Variants in ACOXL observed in about 807,000 individuals in gnomAD.
The protein encoded by ACOXL is acyl-coenzyme A oxidase-like protein.
ACOXL carries 70 observed loss-of-function variants against 71.9 expected under a neutral mutation model. The observed-to-expected ratio is 0.97, with a 90% CI of 0.80 to 1.19. ACOXL has a LOEUF of 1.19. ACOXL is among the 50% of genes most tolerant of loss of function. The probability of loss-of-function intolerance (pLI) is 0.00; values close to 1 mark genes in which losing one functional copy is unlikely to be tolerated. For missense variants in ACOXL, 703 were observed against 736.3 expected (o/e 0.95, Z 0.52); for synonymous variants, 253 against 281.6 (o/e 0.90, Z 1.02).
rs74403996 is a variant in ACOXL at position 110,745,498 on chromosome 2, C to T, written c.-23+12724C>T. 4.2e-4 allele frequency among the ~76,000 whole-genome samples: 64 copies of T among 151,964 alleles called. 2 individuals carry two copies. The East Asian group carries it at 0.011, about 26-fold the overall frequency. On this transcript the variant is annotated intron_variant, in intron 1 of 17. Transcript: ENST00000439055. Reference sequence around the variant, plus strand: ...GCAAGGGAAAATGGGTGATGTAGCTCGGGGAAGGGACAGCAGATGCTTTCC... The same window carrying T: ...GCAAGGGAAAATGGGTGATGTAGCTTGGGGAAGGGACAGCAGATGCTTTCC...
At chr2:110,751,073 C>G (rs548141517) in intron 1 of ACOXL, among the ~76,000 whole-genome samples, 1 of 151,756 alleles carries the variant, frequency 6.6e-6, no homozygotes, top group Non-Finnish European at 1.5e-5. Context: ...CCGAGGCAGG[C>G]GGATCATGAG....
At chr2:110,903,980 C>T (rs2059346245) in intron 10 of ACOXL, among the ~76,000 whole-genome samples, 1 of 152,262 alleles carries the variant, frequency 6.6e-6, no homozygotes, top group Non-Finnish European at 1.5e-5. Context: ...TGGTGGCAGT[C>T]ACAGGGCTGA....
intron 10 of ACOXL, among the ~76,000 whole-genome samples, chr2:110,901,142 C>G (rs978923907): frequency 7.9e-5 from 12 of 152,222 alleles, no homozygotes; most frequent in Admixed American, 3.9e-4. Context: ...TTGGCCACAA[C>G]TTTAAATCCA....
intron 10 of ACOXL, among the ~76,000 whole-genome samples, chr2:110,876,727 A>G (rs1355150310): frequency 6.6e-6 from 1 of 152,184 alleles, no homozygotes; most frequent in African/African-American, 2.4e-5. Flanking sequence ...GTCGGAATCA[A>G]TGAAATGATT....
intron 10 of ACOXL, among the ~76,000 whole-genome samples, chr2:110,859,744 C>A (rs2148975090): frequency 6.6e-6 from 1 of 152,308 alleles, no homozygotes. Context: ...CTTTGCTCAC[C>A]AGGCGCTTGG....
chr2:111,023,213 C>T (rs1472579552), intron 14 of ACOXL, among the ~76,000 whole-genome samples: 1 of 152,078 alleles, frequency 6.6e-6, no homozygotes, highest in Non-Finnish European at 1.5e-5. Flanking sequence ...CACCTCTGTG[C>T]ACAGGGAGAT....
intron 12 of ACOXL, among the ~76,000 whole-genome samples, chr2:110,972,649 GCA>G (rs56400982): frequency 0.16 from 24,402 of 149,850 alleles, 2,146 homozygotes; most frequent in East Asian, 0.43. Context: ...ACACACACGT[GCA>G]CACACACACA....
chr2:110,971,902 CT>C (rs2062206911), intron 12 of ACOXL, among the ~76,000 whole-genome samples: 1 of 152,208 alleles, frequency 6.6e-6, no homozygotes, highest in South Asian at 2.1e-4. Context: ...TTTTTGACAA[CT>C]TTCTCTCTGG....
intron 15 of ACOXL, among the ~76,000 whole-genome samples, chr2:111,041,516 C>T (rs1266652231): frequency 1.3e-5 from 2 of 152,084 alleles, no homozygotes; most frequent in African/African-American, 4.8e-5. Context: ...TGGGACAGAG[C>T]CGGGCCATGG....
chr2:110,851,092 C>T (rs1027973546), intron 10 of ACOXL, among the ~76,000 whole-genome samples: 1 of 152,156 alleles, frequency 6.6e-6, no homozygotes, highest in African/African-American at 2.4e-5. Context: ...AAAGCAGACC[C>T]GTACTCACCA....
intron 2 of ACOXL, among the ~76,000 whole-genome samples, chr2:110,772,710 T>C (rs981009534): frequency 6.6e-6 from 1 of 152,190 alleles, no homozygotes; most frequent in African/African-American, 2.4e-5. Context: ...TGCACCATCG[T>C]TATCTAAACC....
At chr2:110,787,076 T>C (rs1394127487) in intron 3 of ACOXL, among the ~76,000 whole-genome samples, 1 of 146,072 alleles carries the variant, frequency 6.8e-6, no homozygotes, top group Non-Finnish European at 1.5e-5. Flanking sequence ...TAGGTAGGGG[T>C]GGCGGGGGGA....
Position 111,031,735 on chromosome 2 carries a change from T to C in ACOXL, c.1369+21T>C, listed in dbSNP as rs200074317. 1.1e-5 allele frequency: 18 copies of C among 1,612,488 alleles called. No homozygotes were observed. The African/African-American group carries it at 2.4e-4, about 21-fold the overall frequency. On this transcript the variant is annotated intron_variant, in intron 15 of 17. Coordinates refer to ENST00000439055, the MANE Select transcript of ACOXL (RefSeq NM_001142807.4). The stretch of plus-strand genomic sequence containing the variant: ...CCGAGGTCAGTTGGCTCCTGTTGAA[T>C]ATTTGTAATTGAGTGACTCAGGGGT...
At chr2:110,948,882 T>G (rs961234926) in intron 12 of ACOXL, among the ~76,000 whole-genome samples, 11 of 151,686 alleles carry the variant, frequency 7.3e-5, no homozygotes, top group Admixed American at 5.9e-4. Flanking sequence ...CCCTCCAACC[T>G]GGATGCTGCA....
chr2:110,866,794 C>G (rs1281309919), intron 10 of ACOXL, among the ~76,000 whole-genome samples: 2 of 152,186 alleles, frequency 1.3e-5, no homozygotes, highest in Non-Finnish European at 2.9e-5. Flanking sequence ...CCCACTCACT[C>G]ATCCACTGAC....
chr2:110,966,117 G>A (rs928545163), intron 12 of ACOXL, among the ~76,000 whole-genome samples: 1 of 152,178 alleles, frequency 6.6e-6, no homozygotes, highest in Non-Finnish European at 1.5e-5. Flanking sequence ...GCAGGCAAAA[G>A]CAGGGGTAGT....
chr2:110,746,910 T>A (rs1018807275), intron 1 of ACOXL, among the ~76,000 whole-genome samples: 6 of 152,056 alleles, frequency 3.9e-5, no homozygotes, highest in African/African-American at 1.2e-4. Flanking sequence ...TATCTGTTCT[T>A]ATCAGCCTGC....
chr2:111,060,267 C>T (rs148497917), intron 16 of ACOXL, among the ~76,000 whole-genome samples: 19 of 152,228 alleles, frequency 1.2e-4, no homozygotes, highest in Non-Finnish European at 2.2e-4. Context: ...CTCCCCACTG[C>T]GGTGGTGTCA....
intron 1 of ACOXL, among the ~76,000 whole-genome samples, chr2:110,747,570 A>G (rs565012129): frequency 2.0e-5 from 3 of 152,240 alleles, no homozygotes; most frequent in South Asian, 4.1e-4. Context: ...TCAAGCAACA[A>G]ATTTCATTTC....
Sources: gnomAD v4.1 joint callset for allele counts (sites outside exome capture counted in the v4.1 genomes callset) on GRCh38, gnomAD v4.1.1 for gene constraint, MANE v1.5 for transcripts, NCBI Gene and HGNC (gene_info 2026-07-23, HGNC 2026-07-21) for gene names.